TAS2R19: variants seen among roughly 807,000 people sequenced by gnomAD.
TAS2R19 encodes taste receptor type 2 member 19.
For missense variants in TAS2R19, 336 were observed against 342.4 expected (o/e 0.98, Z 0.15); for synonymous variants, 108 against 123.4 (o/e 0.87, Z 0.83).
chr12:11,022,504 G>A lies in TAS2R19; in HGVS notation c.68C>T (p.Ala23Val), dbSNP rs779092684. 9.9e-6 allele frequency: 16 copies of A among 1,613,646 alleles called. No individual in the cohort carries two copies. Among genetic ancestry groups the A allele is most frequent in the Non-Finnish European group, 1.3e-5 (15 of 1,179,732 alleles). ...VVFAFVLGNV[A>V]NGFIALVNVI... The stretch of plus-strand genomic sequence containing the variant: ...ATTTACTAGGGCTATGAAGCCATTG[G>A]CAACATTTCCAAGAACAAATGCAAA... Residue 23 changes from alanine (A) to valine (V), a missense_variant, in exon 1 of 1, where the codon GCC (alanine) becomes GTC (valine). Physicochemically the swap from Ala to Val is moderately conservative, Grantham distance 64 (BLOSUM62 0). Transcript: ENST00000390673.
Position 11,022,441 on chromosome 12 carries a change from G to A in TAS2R19, c.131C>T (p.Ala44Val), listed in dbSNP as rs780110796. The A allele has an allele frequency of 5.0e-6, 8 of 1,614,018 alleles. No individual in the cohort carries two copies. In the African/African-American group the frequency reaches 5.3e-5, roughly 11 times the overall value. The change falls in exon 1 of 1, where the codon GCT becomes GTT. Residue 44 changes from alanine (A) to valine (V), a missense_variant. Ala to Val is a moderately conservative substitution (Grantham distance 64). Coordinates refer to ENST00000390673, the MANE Select transcript of TAS2R19 (RefSeq NM_176888.2). ...DWVNTRKISS[A>V]EQILTALVVS... Reference sequence around the variant, plus strand: ...CACCAGAGCAGTGAGAATTTGCTCAGCTGAGGAGATCTTTCGTGTGTTAAC... The same window carrying A: ...CACCAGAGCAGTGAGAATTTGCTCAACTGAGGAGATCTTTCGTGTGTTAAC...
At position 11,021,960 on chromosome 12, in the gene TAS2R19, T is replaced by C. The variant is rs563064379; in HGVS notation, c.612A>G (p.Lys204=). The C allele has an allele frequency of 2.1e-5, 34 of 1,611,882 alleles. No individual in the cohort carries two copies. In the East Asian group the frequency reaches 6.5e-4, roughly 31 times the overall value. Residue 204 remains lysine (K), a synonymous_variant, in exon 1 of 1, where the codon AAA becomes AAG. Transcript: ENST00000390673. ...TATGGAGCCGCATCTTCTTGAGATG[T>C]TTACAAAGAGAACAGATTAACAGCA... ...CFLLLICSLC[K]HLKKMRLHSK...
Position 11,021,865 on chromosome 12 carries a change from A to T in TAS2R19, c.707T>A (p.Met236Lys). Reference sequence around the variant, plus strand: ...ACACAGAAAGTAAATGGCAAATAACATGAGGAAGGAGGTCACAGTTTGCAA... The same window carrying T: ...ACACAGAAAGTAAATGGCAAATAACTTGAGGAAGGAGGTCACAGTTTGCAA... ...KALQTVTSFL[M>K]LFAIYFLCII... Residue 236 changes from methionine (M) to lysine (K), a missense_variant, in exon 1 of 1, where the codon ATG becomes AAG. Coordinates refer to ENST00000390673, the MANE Select transcript of TAS2R19 (RefSeq NM_176888.2). The T allele has an allele frequency of 6.2e-7, 1 of 1,614,266 alleles. No individual in the cohort carries two copies. The highest frequency in any genetic ancestry group is 8.5e-7 in the Non-Finnish European group (1 of 1,180,038).
chr12:11,021,998 G>A lies in TAS2R19; in HGVS notation c.574C>T (p.Leu192=). 6.3e-7 allele frequency: 1 copy of A among 1,589,736 alleles called. No homozygotes were observed. Among genetic ancestry groups the A allele is most frequent in the Non-Finnish European group, 8.6e-7 (1 of 1,169,196 alleles). Residue 192 remains leucine (L), a synonymous_variant, in exon 1 of 1, where the codon CTA becomes TTA. Transcript: ENST00000390673. The part of the protein sequence containing the change: ...LANLIPFTLS[L]ICFLLLICSL... ...CAGATTAACAGCAGAAAACATATTA[G>A]GCTCAGAGTAAAGGGTATGAGGTTT...
At position 11,021,829 on chromosome 12, in the gene TAS2R19, G is replaced by A. The variant is rs1206355405; in HGVS notation, c.743C>T (p.Ser248Leu). 2 of 1,614,270 alleles carry A rather than the reference G, an allele frequency of 1.2e-6. No individual in the cohort carries two copies. The highest frequency in any genetic ancestry group is 2.7e-5 in the African/African-American group (2 of 75,084). ...FAIYFLCIIT[S>L]TWNLRTQQSK... ...CTGCTGTGTCCTAAGATTCCAAGTTGATGTGATTATACACAGAAAGTAAAT... is the reference window on the plus strand; with the variant it reads ...CTGCTGTGTCCTAAGATTCCAAGTTAATGTGATTATACACAGAAAGTAAAT... The change falls in exon 1 of 1, where the codon TCA (serine) becomes TTA (leucine). Residue 248 changes from serine (S) to leucine (L), a missense_variant. Physicochemically the swap from Ser to Leu is moderately radical, Grantham distance 145 (BLOSUM62 -2). Transcript: ENST00000390673.
chr12:11,021,856 G>A lies in TAS2R19; in HGVS notation c.716C>T (p.Ala239Val), dbSNP rs1941653239. The A allele has an allele frequency of 2.5e-6, 4 of 1,614,244 alleles. No homozygotes were observed. Among genetic ancestry groups the A allele is most frequent in the African/African-American group, 2.7e-5 (2 of 75,066 alleles). ...TGTGATTATACACAGAAAGTAAATG[G>A]CAAATAACATGAGGAAGGAGGTCAC... is the stretch of plus-strand genomic sequence containing the variant. Reference protein sequence around the residue: ...QTVTSFLMLFAIYFLCIITST... With the variant: ...QTVTSFLMLFVIYFLCIITST... The change falls in exon 1 of 1, where the codon GCC becomes GTC. Residue 239 changes from alanine (A) to valine (V), a missense_variant. Coordinates refer to ENST00000390673, the MANE Select transcript of TAS2R19 (RefSeq NM_176888.2).
At position 11,022,324 on chromosome 12, in the gene TAS2R19, A is replaced by T; in HGVS notation, c.248T>A (p.Val83Asp). The change falls in exon 1 of 1, where the codon GTT becomes GAT. Residue 83 changes from valine to aspartate, a missense_variant. Coordinates refer to ENST00000390673, the MANE Select transcript of TAS2R19 (RefSeq NM_176888.2). ...SALYGLEVRI[V>D]ASNAWAVTNH... is the part of the protein sequence containing the mutation. ...CGTTACAGCCCAGGCATTAGAAGCA[A>T]CAATTCTTACTTCTAAACCATATAA... 2 of 1,614,212 alleles carry T rather than the reference A, an allele frequency of 1.2e-6. No individual in the cohort carries two copies. Among genetic ancestry groups the T allele is most frequent in the Non-Finnish European group, 1.7e-6 (2 of 1,180,012 alleles).
chr12:11,022,249 A>T lies in TAS2R19; in HGVS notation c.323T>A (p.Leu108His). ...AAGGTTGGAGAAATTGGCAATCTTG[A>T]GCAAACAAAATATGCTGAGGCTAGC... ...LAASLSIFCLLKIANFSNLIS... is the reference protein window; with the variant it reads ...LAASLSIFCLHKIANFSNLIS... Residue 108 changes from leucine (L) to histidine (H), a missense_variant, in exon 1 of 1, where the codon CTC becomes CAC. By Grantham distance (99) the Leu-to-His change is moderately conservative. Coordinates refer to ENST00000390673, the MANE Select transcript of TAS2R19 (RefSeq NM_176888.2). The T allele has an allele frequency of 6.2e-7, 1 of 1,613,504 alleles. No homozygotes were observed. Among genetic ancestry groups the T allele is most frequent in the South Asian group, 1.1e-5 (1 of 91,014 alleles).
rs753181094 is a variant in TAS2R19 at position 11,022,173 on chromosome 12, C to T, written c.399G>A (p.Leu133=). 13 of 1,613,898 alleles carry T rather than the reference C, an allele frequency of 8.1e-6. No homozygotes were observed. The African/African-American group carries it at 1.7e-4, about 22-fold the overall frequency. ...KRIKSVVLVI[L]LGPLVFLICN... Reference sequence around the variant, plus strand: ...AAATCAGAAATACCAAGGGCCCCAACAGTATCACCAGAACAACACTCTTAA... The same window carrying T: ...AAATCAGAAATACCAAGGGCCCCAATAGTATCACCAGAACAACACTCTTAA... Residue 133 remains leucine, a synonymous_variant, in exon 1 of 1, where the codon CTG becomes CTA. Coordinates refer to ENST00000390673, the MANE Select transcript of TAS2R19 (RefSeq NM_176888.2).
chr12:11,022,275 A>T lies in TAS2R19; in HGVS notation c.297T>A (p.Ala99=). 1 of 1,614,220 alleles carries T rather than the reference A, an allele frequency of 6.2e-7. No individual in the cohort carries two copies. Among genetic ancestry groups the T allele is most frequent in the Non-Finnish European group, 8.5e-7 (1 of 1,180,020 alleles). ...GCAAACAAAATATGCTGAGGCTAGC[A>T]GCAAGCCACATGCTGAAATGGTTCG... ...AVTNHFSMWL[A]ASLSIFCLLK... is the part of the protein sequence containing the mutation. The change falls in exon 1 of 1, where the codon GCT becomes GCA. Residue 99 remains alanine (A), a synonymous_variant. Coordinates refer to ENST00000390673, the MANE Select transcript of TAS2R19 (RefSeq NM_176888.2).
At chr12:11,022,496 AG>A in the TAS2R19 span, 1 of 1,613,646 alleles carries the variant, frequency 6.2e-7, no homozygotes, top group African/African-American at 1.3e-5. Flanking sequence ...AGGGCTATGA[AG>A]CCATTGGCAA....
In TAS2R19 at chr12:11,022,080, C is replaced by G. The variant is rs1346283387; in HGVS notation, c.492G>C (p.Trp164Cys). The change falls in exon 1 of 1, where the codon TGG becomes TGC. Residue 164 changes from tryptophan to cysteine, a missense_variant. Coordinates refer to ENST00000390673, the MANE Select transcript of TAS2R19 (RefSeq NM_176888.2). ...GTATTGCATTCCTCAATTTGATCTT[C>G]CAAGTCACATTTCCTTCATATTCTT... Reference protein sequence around the residue: ...WTKEYEGNVTWKIKLRNAIHL... With the variant: ...WTKEYEGNVTCKIKLRNAIHL... The G allele has an allele frequency of 6.2e-7, 1 of 1,613,800 alleles. No individual in the cohort carries two copies. Among genetic ancestry groups the G allele is most frequent in the African/African-American group, 1.3e-5 (1 of 74,926 alleles).
At position 11,021,954 on chromosome 12, in the gene TAS2R19, G is replaced by A; in HGVS notation, c.618C>T (p.Leu206=). 6.2e-7 allele frequency: 1 copy of A among 1,613,632 alleles called. No individual in the cohort carries two copies. Among genetic ancestry groups the A allele is most frequent in the South Asian group, 1.1e-5 (1 of 91,050 alleles). The part of the protein sequence containing the change: ...LLLICSLCKH[L]KKMRLHSKGS... ...CTTTGCTATGGAGCCGCATCTTCTT[G>A]AGATGTTTACAAAGAGAACAGATTA... The change falls in exon 1 of 1, where the codon CTC becomes CTT. Residue 206 remains leucine (L), a synonymous_variant. Transcript: ENST00000390673.
chr12:11,021,838 A>G lies in TAS2R19; in HGVS notation c.734T>C (p.Ile245Thr), dbSNP rs138364937. Residue 245 changes from isoleucine to threonine, a missense_variant, in exon 1 of 1, where the codon ATA becomes ACA. Physicochemically the swap from Ile to Thr is moderately conservative, Grantham distance 89. Transcript: ENST00000390673. ...LMLFAIYFLCIITSTWNLRTQ... is the reference protein window; with the variant it reads ...LMLFAIYFLCTITSTWNLRTQ... ...CCTAAGATTCCAAGTTGATGTGATT[A>G]TACACAGAAAGTAAATGGCAAATAA... 18 of 1,614,272 alleles carry G rather than the reference A, an allele frequency of 1.1e-5. No homozygotes were observed. The highest frequency in any genetic ancestry group is 3.3e-5 in the Admixed American group (2 of 60,036).
In TAS2R19 at chr12:11,022,583, TA is replaced by T. The variant is rs769381799; in HGVS notation, c.-13del. ...AGAAAACACATCATGTTTGAACAGA[TA>T]AAAAAATGCAGGCTTAGTAACACTT... is the stretch of plus-strand genomic sequence containing the variant. On this transcript the variant is annotated 5_prime_UTR_variant, in exon 1 of 1. Transcript: ENST00000390673. 2 of 1,571,600 alleles carry T rather than the reference TA, an allele frequency of 1.3e-6. No individual in the cohort carries two copies. Among genetic ancestry groups the T allele is most frequent in the South Asian group, 1.1e-5 (1 of 87,430 alleles).
chr12:11,021,786 C>T lies in TAS2R19; in HGVS notation c.786G>A (p.Leu262=), dbSNP rs781770704. 6.2e-7 allele frequency: 1 copy of T among 1,614,234 alleles called. No homozygotes were observed. Among genetic ancestry groups the T allele is most frequent in the South Asian group, 1.1e-5 (1 of 91,082 alleles). The change falls in exon 1 of 1, where the codon CTG becomes CTA. Residue 262 remains leucine (L), a synonymous_variant. Coordinates refer to ENST00000390673, the MANE Select transcript of TAS2R19 (RefSeq NM_176888.2). ...LRTQQSKLVL[L]LCQTVAIMYP... is the part of the protein sequence containing the mutation. ...ACATGATTGCAACAGTTTGGCAAAG[C>T]AGGAGTACAAGTTTGCTCTGCTGTG...
Position 11,022,083 on chromosome 12 carries a change from A to C in TAS2R19, c.489T>G (p.Thr163=). The change falls in exon 1 of 1, where the codon ACT becomes ACG. Residue 163 remains threonine, a synonymous_variant. Transcript: ENST00000390673. ...VWTKEYEGNV[T]WKIKLRNAIH... is the part of the protein sequence containing the mutation. ...TTGCATTCCTCAATTTGATCTTCCA[A>C]GTCACATTTCCTTCATATTCTTTTG... The C allele has an allele frequency of 6.2e-7, 1 of 1,613,948 alleles. No homozygotes were observed. Among genetic ancestry groups the C allele is most frequent in the Non-Finnish European group, 8.5e-7 (1 of 1,179,836 alleles).
At chr12:11,022,191 A>AC in the TAS2R19 span, 8 of 1,613,918 alleles carry the variant, frequency 5.0e-6, no homozygotes, top group Non-Finnish European at 6.8e-6. Flanking sequence ...CCAGAACAAC[A>AC]CTCTTAATTC....
chr12:11,022,294 T>C lies in TAS2R19; in HGVS notation c.278A>G (p.His93Arg). 1.2e-6 allele frequency: 2 copies of C among 1,614,170 alleles called. No homozygotes were observed. Among genetic ancestry groups the C allele is most frequent in the South Asian group, 1.1e-5 (1 of 91,080 alleles). ...GCTAGCAGCAAGCCACATGCTGAAA[T>C]GGTTCGTTACAGCCCAGGCATTAGA... The part of the protein sequence containing the change: ...VASNAWAVTN[H>R]FSMWLAASLS... Residue 93 changes from histidine to arginine, a missense_variant, in exon 1 of 1, where the codon CAT (histidine) becomes CGT (arginine). Transcript: ENST00000390673.
Sources: gnomAD v4.1 joint callset for allele counts on GRCh38, gnomAD v4.1.1 for gene constraint, MANE v1.5 for transcripts, NCBI Gene and HGNC (gene_info 2026-07-23, HGNC 2026-07-21) for gene names.